The following ACTN4 variants were observed in gnomAD, a reference collection of about 807,000 sequenced individuals.
ACTN4 encodes alpha-actinin-4.
A neutral mutation model predicts 114.2 loss-of-function variants in ACTN4; 18 were observed. The ratio of observed to expected loss-of-function variants is 0.16; its 90% CI spans 0.11 to 0.23. The LOEUF (loss-of-function observed/expected upper bound fraction) is 0.23. Ranked by LOEUF, ACTN4 falls within the 10% of genes least tolerant of loss-of-function variation. The probability of loss-of-function intolerance (pLI) is 1.00; values close to 1 mark genes in which losing one functional copy is unlikely to be tolerated. For missense variants in ACTN4, 722 were observed against 1,262.9 expected (o/e 0.57, Z 6.49); for synonymous variants, 515 against 506.3 (o/e 1.02, Z -0.23).
intron 12 of ACTN4, chr19:38,721,891 C>A: frequency 1.3e-6 from 1 of 744,716 alleles, no homozygotes; most frequent in Non-Finnish European, 2.3e-6. Context: ...CCAGGTGGGA[C>A]ACCTGAAGGA....
chr19:38,707,872 C>G (rs1349734179), intron 5 of ACTN4, among the ~76,000 whole-genome samples: 1 of 152,192 alleles, frequency 6.6e-6, no homozygotes. Flanking sequence ...GATGTGGAAA[C>G]CGAGATAGCC....
In ACTN4 at chr19:38,729,820, A is replaced by T. The variant is rs973123758; in HGVS notation, c.*388A>T. 30 of 408,260 alleles carry T rather than the reference A, an allele frequency of 7.3e-5. No individual in the cohort carries two copies. Among genetic ancestry groups the T allele is most frequent in the African/African-American group, 5.5e-4 (27 of 48,774 alleles). The allele number at this position is 408,260 out of a possible 1,614,324, so 25.3% of individuals were successfully genotyped here. ...TCAAGGCCTCCCCAATCCAGGCCAA[A>T]GCCCCATGTGCCTTGTCCAGGAACT... On this transcript the variant is annotated 3_prime_UTR_variant, in exon 21 of 21. Transcript: ENST00000252699.
chr19:38,719,304 C>T (rs1968955658), intron 11 of ACTN4, among the ~76,000 whole-genome samples: 1 of 152,270 alleles, frequency 6.6e-6, no homozygotes, highest in Admixed American at 6.5e-5. Context: ...CCACTCCGCC[C>T]AGCTGAGCCC....
At chr19:38,707,231 T>A (rs1293064395) in intron 5 of ACTN4, among the ~76,000 whole-genome samples, 1 of 151,884 alleles carries the variant, frequency 6.6e-6, no homozygotes, top group African/African-American at 2.4e-5. Flanking sequence ...TTCTATAGTT[T>A]CCATTCATTT....
At chr19:38,653,164 G>C (rs1976618187) in intron 1 of ACTN4, among the ~76,000 whole-genome samples, 1 of 151,972 alleles carries the variant, frequency 6.6e-6, no homozygotes, top group African/African-American at 2.4e-5. Context: ...GGGGAGTTCT[G>C]CTGTTTCAAC....
intron 1 of ACTN4, 133 bp downstream of exon 1, chr19:38,648,040 C>A: frequency 1.4e-5 from 16 of 1,136,898 alleles, no homozygotes; most frequent in Non-Finnish European, 1.8e-5. Flanking sequence ...TTGGCGGGTC[C>A]GGGAAGGGAA....
In ACTN4 at chr19:38,729,489, C is replaced by T. The variant is rs765589609; in HGVS notation, c.*57C>T. Reference sequence around the variant, plus strand: ...GGCCTCCAGGAGGGGCCTGGGCAGCCCCACAGTCCCATTCCTCCACTCTGT... The same window carrying T: ...GGCCTCCAGGAGGGGCCTGGGCAGCTCCACAGTCCCATTCCTCCACTCTGT... On this transcript the variant is annotated 3_prime_UTR_variant, in exon 21 of 21. Transcript: ENST00000252699. The T allele has an allele frequency of 8.2e-6, 13 of 1,585,458 alleles. No individual in the cohort carries two copies. The Admixed American group carries it at 1.0e-4, about 12-fold the overall frequency.
At chr19:38,719,749 C>G (rs1968972922) in intron 11 of ACTN4, among the ~76,000 whole-genome samples, 1 of 152,258 alleles carries the variant, frequency 6.6e-6, no homozygotes, top group South Asian at 2.1e-4. Flanking sequence ...TTCTGGGGGT[C>G]TTTCTGCCCA....
At chr19:38,665,872 C>T (rs1966941625) in intron 1 of ACTN4, among the ~76,000 whole-genome samples, 1 of 152,180 alleles carries the variant, frequency 6.6e-6, no homozygotes, top group Non-Finnish European at 1.5e-5. Context: ...GTCCCCTTCC[C>T]CGCAAAGCAA....
chr19:38,698,577 G>A (rs367829244), intron 1 of ACTN4, among the ~76,000 whole-genome samples: 35 of 152,338 alleles, frequency 2.3e-4, no homozygotes, highest in East Asian at 2.1e-3. Flanking sequence ...ACCGGGTCAG[G>A]GAGGCCATGG....
chr19:38,664,044 G>A (rs1976974677), intron 1 of ACTN4, among the ~76,000 whole-genome samples: 1 of 152,182 alleles, frequency 6.6e-6, no homozygotes, highest in Non-Finnish European at 1.5e-5. Flanking sequence ...AGATGACCAC[G>A]CGCAGCCGGA....
intron 1 of ACTN4, among the ~76,000 whole-genome samples, chr19:38,677,933 G>A (rs1484472527): frequency 6.6e-6 from 1 of 151,984 alleles, no homozygotes; most frequent in African/African-American, 2.4e-5. Flanking sequence ...CACCATGTTG[G>A]CCAGGCTGGT....
Position 38,729,791 on chromosome 19 carries a change from C to CCCTT in ACTN4, c.*361_*364dup. 2.2e-6 allele frequency: 1 copy of CCCTT among 456,020 alleles called. No individual in the cohort carries two copies. Among genetic ancestry groups the CCCTT allele is most frequent in the Non-Finnish European group, 4.3e-6 (1 of 233,684 alleles). The allele number at this position is 456,020 out of a possible 1,614,324, so 28.2% of individuals were successfully genotyped here. ...CAGGTCTCTTCCTTTGCTCTGAGGT[C>CCCTT]CCTTCAAGGCCTCCCCAATCCAGGC... On this transcript the variant is annotated 3_prime_UTR_variant, in exon 21 of 21. Transcript: ENST00000252699.
At chr19:38,702,308 GC>G (rs1968304090) in intron 3 of ACTN4, among the ~76,000 whole-genome samples, 2 of 152,224 alleles carry the variant, frequency 1.3e-5, no homozygotes, top group South Asian at 4.1e-4. Context: ...TTGGAACAAA[GC>G]CTAATGGAGG....
intron 5 of ACTN4, among the ~76,000 whole-genome samples, chr19:38,706,919 A>G (rs1437143090): frequency 1.3e-5 from 2 of 152,200 alleles, no homozygotes; most frequent in Non-Finnish European, 2.9e-5. Context: ...GCACTGCCGC[A>G]TGAGGTCCAG....
At chr19:38,652,517 C>T (rs1443332747) in intron 1 of ACTN4, among the ~76,000 whole-genome samples, 1 of 152,062 alleles carries the variant, frequency 6.6e-6, no homozygotes, top group Non-Finnish European at 1.5e-5. Flanking sequence ...GGGTGTGGGC[C>T]CAGGATTGCC....
At chr19:38,657,016 C>T (rs1425755048) in intron 1 of ACTN4, among the ~76,000 whole-genome samples, 1 of 152,108 alleles carries the variant, frequency 6.6e-6, no homozygotes, top group East Asian at 1.9e-4. Flanking sequence ...TTCACTGTCA[C>T]CCAGGCTGGA....
intron 1 of ACTN4, among the ~76,000 whole-genome samples, chr19:38,673,567 T>TTA (rs543881909): frequency 3.2e-5 from 3 of 94,132 alleles, no homozygotes; most frequent in Non-Finnish European, 6.1e-5. Context: ...TTATATATAT[T>TTA]TATATATATT....
intron 20 of ACTN4, 54 bp from the exon 21 acceptor site, chr19:38,729,220 A>G (rs1969383121): frequency 6.2e-7 from 1 of 1,612,134 alleles, no homozygotes; most frequent in Admixed American, 1.7e-5. Flanking sequence ...GGAGGGGCTG[A>G]GGGGGCCAGT....
Sources: allele counts gnomAD v4.1 joint callset (sites outside exome capture counted in the v4.1 genomes callset), GRCh38; gene constraint gnomAD v4.1.1; transcripts MANE v1.5; gene names NCBI Gene and HGNC (gene_info 2026-07-23, HGNC 2026-07-21).